The following UQCRC1 variants were observed in gnomAD, a reference collection of about 807,000 sequenced individuals.
The protein encoded by UQCRC1 is cytochrome b-c1 complex subunit 1, mitochondrial.
In UQCRC1, 34 loss-of-function variants were observed where a neutral mutation model predicts 58.0. That is an observed-to-expected ratio of 0.59 (90% CI 0.45 to 0.78). The LOEUF (loss-of-function observed/expected upper bound fraction) is 0.78. Among genes scored for constraint, UQCRC1 ranks in the 30% least tolerant of loss-of-function variants. The pLI is 0.00. For synonymous variants in UQCRC1, 276 were observed against 248.8 expected (o/e 1.11, Z -1.03); for missense variants, 610 against 646.0 (o/e 0.94, Z 0.60).
rs760284014 is a variant in UQCRC1 at position 48,604,336 on chromosome 3, T to A, written c.523A>T (p.Asn175Tyr). Residue 175 changes from asparagine (N) to tyrosine (Y), a missense_variant, in exon 5 of 13, where the codon AAT (asparagine) becomes TAT (tyrosine). Physicochemically the swap from Asn to Tyr is moderately radical, Grantham distance 143. Coordinates refer to ENST00000203407, the MANE Select transcript of UQCRC1 (RefSeq NM_003365.3). ...ACCACATCTCGCATAGATGCATCAT[T>A]CTCCTGCATCTCCCGCAGGATCACA... is the stretch of plus-strand genomic sequence containing the variant. ...RDVILREMQE[N>Y]DASMRDVVFN... 12 of 1,613,884 alleles carry A rather than the reference T, an allele frequency of 7.4e-6. No homozygotes were observed. Among genetic ancestry groups the A allele is most frequent in the African/African-American group, 5.3e-5 (4 of 74,896 alleles).
At chr3:48,605,993 G>GGC in intron 2 of UQCRC1, 137 bp from the exon 3 acceptor site, 1 of 766,344 alleles carries the variant, frequency 1.3e-6, no homozygotes, top group Non-Finnish European at 2.0e-6. Flanking sequence ...GCCCCAGCAG[G>GGC]ACCCCTGTGC....
intron 5 of UQCRC1, 85 bp downstream of exon 5, chr3:48,604,148 T>TA: frequency 2.7e-6 from 4 of 1,467,116 alleles, no homozygotes; most frequent in Non-Finnish European, 3.8e-6. Flanking sequence ...CCCCGACAGC[T>TA]AGCCAACTAA....
At chr3:48,603,532 C>T (rs762961906) in intron 6 of UQCRC1, 32 bp downstream of exon 6, 10 of 1,610,340 alleles carry the variant, frequency 6.2e-6, no homozygotes, top group Non-Finnish European at 8.5e-6. Context: ...TGGGACCCCA[C>T]TACCCAGGAC....
In UQCRC1 at chr3:48,604,355, G is replaced by GATCAC; in HGVS notation, c.499_503dup (p.Ile168MetfsTer2). 1 of 1,614,170 alleles carries GATCAC rather than the reference G, an allele frequency of 6.2e-7. No homozygotes were observed. Among genetic ancestry groups the GATCAC allele is most frequent in the South Asian group, 1.1e-5 (1 of 91,090 alleles). On this transcript the variant is annotated stop_gained and frameshift_variant, in exon 5 of 13. Transcript: ENST00000203407. LOFTEE classifies it high-confidence loss of function. Reference sequence around the variant, plus strand: ...CATCATTCTCCTGCATCTCCCGCAGGATCACATCACGTTCCTTCTCAATCT... The same window carrying GATCAC: ...CATCATTCTCCTGCATCTCCCGCAGGATCACATCACATCACGTTCCTTCTCAATCT...
At chr3:48,602,897 T>G (rs890798400) in intron 6 of UQCRC1, among the ~76,000 whole-genome samples, 1 of 152,056 alleles carries the variant, frequency 6.6e-6, no homozygotes, top group Admixed American at 6.6e-5. Flanking sequence ...TAAAACCACC[T>G]GGAGTCCATC....
intron 6 of UQCRC1, among the ~76,000 whole-genome samples, chr3:48,602,975 C>A (rs531290198): frequency 6.6e-6 from 1 of 152,290 alleles, no homozygotes; most frequent in South Asian, 2.1e-4. Flanking sequence ...AGCCAGCCTA[C>A]CTGCACTGTG....
intron 5 of UQCRC1, 94 bp downstream of exon 5, chr3:48,604,139 C>T: frequency 7.2e-7 from 1 of 1,395,780 alleles, no homozygotes; most frequent in Non-Finnish European, 9.9e-7. Flanking sequence ...GGAAAATAAC[C>T]CCGACAGCTA....
At chr3:48,605,954 AC>A (rs1381492202) in intron 2 of UQCRC1, 98 bp from the exon 3 acceptor site, 1 of 1,194,660 alleles carries the variant, frequency 8.4e-7, no homozygotes. Context: ...CCAGGCAGGG[AC>A]TTATGAATCC....
Position 48,600,576 on chromosome 3 carries a change from G to T in UQCRC1, c.1128-9C>A. The T allele has an allele frequency of 6.2e-7, 1 of 1,614,078 alleles. No homozygotes were observed. Among genetic ancestry groups the T allele is most frequent in the Admixed American group, 1.7e-5 (1 of 60,010 alleles). ...TGGTACACAGGCGCATCCTAAAGTG[G>T]GGGGGTGGGTGGTATTCATTCTGAG... On this transcript the variant is annotated splice_polypyrimidine_tract_variant and intron_variant, in intron 9 of 12. Transcript: ENST00000203407.
In UQCRC1 at chr3:48,599,041, A is replaced by G; in HGVS notation, c.*87T>C. 6.8e-7 allele frequency: 1 copy of G among 1,474,334 alleles called. No homozygotes were observed. Among genetic ancestry groups the G allele is most frequent in the South Asian group, 1.2e-5 (1 of 84,726 alleles). The allele number at this position is 1,474,334 out of a possible 1,614,324, so 91.3% of individuals were successfully genotyped here. ...TTTTATTGGTGGTCACCTGTGGCACAGGTTAGAGGAGCCGAAGTGCTGTGT... is the reference window on the plus strand; with the variant it reads ...TTTTATTGGTGGTCACCTGTGGCACGGGTTAGAGGAGCCGAAGTGCTGTGT... On this transcript the variant is annotated 3_prime_UTR_variant, in exon 13 of 13. Coordinates refer to ENST00000203407, the MANE Select transcript of UQCRC1 (RefSeq NM_003365.3).
At position 48,600,102 on chromosome 3, in the gene UQCRC1, G is replaced by A; in HGVS notation, c.1263C>T (p.Gly421=). Residue 421 remains glycine (G), a synonymous_variant, in exon 11 of 13, where the codon GGC becomes GGT. Coordinates refer to ENST00000203407, the MANE Select transcript of UQCRC1 (RefSeq NM_003365.3). ...CCCATTCAGCCAGGGGGATGCGGCG[G>A]CCATAGGTCAGGAGGCTGCGTCCGA... is the stretch of plus-strand genomic sequence containing the variant. The part of the protein sequence containing the change: ...EDIGRSLLTY[G]RRIPLAEWES... 6.2e-7 allele frequency: 1 copy of A among 1,614,134 alleles called. No individual in the cohort carries two copies. Among genetic ancestry groups the A allele is most frequent in the Non-Finnish European group, 8.5e-7 (1 of 1,180,022 alleles).
chr3:48,608,007 A>C (rs532896685), intron 2 of UQCRC1, among the ~76,000 whole-genome samples: 7 of 152,208 alleles, frequency 4.6e-5, no homozygotes, highest in Middle Eastern at 6.8e-3. Context: ...TTTTTAGTAG[A>C]GATGGGGCTT....
intron 2 of UQCRC1, among the ~76,000 whole-genome samples, chr3:48,606,544 C>T (rs1325327587): frequency 1.3e-5 from 2 of 152,068 alleles, no homozygotes; most frequent in Admixed American, 6.6e-5. Flanking sequence ...GTCAGCAGTT[C>T]GAGACCAGCC....
At chr3:48,609,487 C>T (rs765831408) in intron 1 of UQCRC1, 65 bp downstream of exon 1, 21 of 1,534,242 alleles carry the variant, frequency 1.4e-5, no homozygotes, top group Non-Finnish European at 1.7e-5. Context: ...CCACTGCTAA[C>T]AGCCCACACC....
intron 11 of UQCRC1, 114 bp from the exon 12 acceptor site, chr3:48,599,824 G>A: frequency 4.9e-6 from 6 of 1,220,360 alleles, no homozygotes; most frequent in Non-Finnish European, 7.2e-6. Context: ...GCTGTCCCCA[G>A]CCCAAAAGAG....
In UQCRC1 at chr3:48,600,045, C is replaced by T. The variant is rs1463766863; in HGVS notation, c.1302+18G>A. ...GCCAGGCCAAGACTCCAGAACCTCT[C>T]CCAGGGGTCCATGTTACCGCAATCC... On this transcript the variant is annotated intron_variant, in intron 11 of 12. Transcript: ENST00000203407. 1.1e-5 allele frequency: 18 copies of T among 1,613,962 alleles called. No homozygotes were observed. The African/African-American group carries it at 1.5e-4, about 13-fold the overall frequency.
intron 2 of UQCRC1, among the ~76,000 whole-genome samples, chr3:48,606,400 T>C (rs2046413097): frequency 6.6e-6 from 1 of 152,212 alleles, no homozygotes; most frequent in African/African-American, 2.4e-5. Flanking sequence ...CAGTGTTGCC[T>C]TGGCACCCAA....
rs1277001098 is a variant in UQCRC1 at position 48,604,381 on chromosome 3, G to C, written c.478C>G (p.Gln160Glu). ...IVQNCSLEDS[Q>E]IEKERDVILR... is the part of the protein sequence containing the mutation. The stretch of plus-strand genomic sequence containing the variant: ...ATCACATCACGTTCCTTCTCAATCT[G>C]TGAGTCTTCCAGACTACAGTTCTGC... Residue 160 changes from glutamine (Q) to glutamate (E), a missense_variant, in exon 5 of 13, where the codon CAG becomes GAG. Gln to Glu is a conservative substitution (Grantham distance 29, BLOSUM62 2). Coordinates refer to ENST00000203407, the MANE Select transcript of UQCRC1 (RefSeq NM_003365.3). The C allele has an allele frequency of 1.2e-6, 2 of 1,614,188 alleles. No individual in the cohort carries two copies. Among genetic ancestry groups the C allele is most frequent in the South Asian group, 2.2e-5 (2 of 91,086 alleles).
At chr3:48,606,008 G>A in intron 2 of UQCRC1, 152 bp from the exon 3 acceptor site, 4 of 673,044 alleles carry the variant, frequency 5.9e-6, no homozygotes, top group South Asian at 2.1e-5. Flanking sequence ...CTGTGCTTGG[G>A]GACACAGTCA....
Sources: allele counts gnomAD v4.1 joint callset (sites outside exome capture counted in the v4.1 genomes callset), GRCh38; gene constraint gnomAD v4.1.1; transcripts MANE v1.5; gene names NCBI Gene and HGNC (gene_info 2026-07-23, HGNC 2026-07-21).